Variants in ANKS1B observed in about 807,000 individuals in gnomAD.
The protein encoded by ANKS1B is ankyrin repeat and sterile alpha motif domain containing 1B.
Under a neutral mutation model 148.3 loss-of-function variants are expected in ANKS1B, and 36 were observed. The observed-to-expected ratio is 0.24, with a 90% CI of 0.19 to 0.32. The LOEUF (loss-of-function observed/expected upper bound fraction) is 0.32. Among genes scored for constraint, ANKS1B ranks in the 10% least tolerant of loss-of-function variants. The probability of loss-of-function intolerance (pLI) is 1.00; values close to 1 mark genes in which losing one functional copy is unlikely to be tolerated. For missense variants in ANKS1B, 1,157 were observed against 1,542.6 expected (o/e 0.75, Z 4.19); for synonymous variants, 542 against 560.8 (o/e 0.97, Z 0.47).
At chr12:99,006,436 G>T (rs2099936197) in intron 17 of ANKS1B, among the ~76,000 whole-genome samples, 1 of 152,188 alleles carries the variant, frequency 6.6e-6, no homozygotes, top group Non-Finnish European at 1.5e-5. Flanking sequence ...AGAATAATAT[G>T]CACAAGAGAC....
At chr12:98,945,621 G>A (rs946393912) in intron 17 of ANKS1B, among the ~76,000 whole-genome samples, 2 of 150,074 alleles carry the variant, frequency 1.3e-5, no homozygotes, top group Non-Finnish European at 2.9e-5. Flanking sequence ...TCCTGAGTCT[G>A]AAACATTTGT....
chr12:98,806,686 A>G (rs955270798), intron 20 of ANKS1B, among the ~76,000 whole-genome samples: 1 of 152,230 alleles, frequency 6.6e-6, no homozygotes, highest in East Asian at 1.9e-4. Context: ...TTCACACATA[A>G]TGAAAGCAGG....
At chr12:99,729,921 A>G (rs2058971725) in intron 8 of ANKS1B, among the ~76,000 whole-genome samples, 1 of 152,252 alleles carries the variant, frequency 6.6e-6, no homozygotes, top group African/African-American at 2.4e-5. Context: ...ACTAGATTTC[A>G]GTAAACTGAA....
At chr12:99,486,461 T>C (rs1010217199) in intron 10 of ANKS1B, among the ~76,000 whole-genome samples, 14 of 140,746 alleles carry the variant, frequency 9.9e-5, no homozygotes, top group African/African-American at 4.1e-4. Context: ...TGTGCTTATT[T>C]ATTTATTTAT....
intron 24 of ANKS1B, among the ~76,000 whole-genome samples, chr12:98,774,938 A>T (rs1186909536): frequency 6.6e-6 from 1 of 152,370 alleles, no homozygotes; most frequent in African/African-American, 2.4e-5. Flanking sequence ...TAAGTTTCAG[A>T]CTAGAAGGTG....
intron 17 of ANKS1B, among the ~76,000 whole-genome samples, chr12:98,841,400 T>G (rs891137674): frequency 6.6e-6 from 1 of 152,196 alleles, no homozygotes; most frequent in African/African-American, 2.4e-5. Flanking sequence ...CTGTTGCTGC[T>G]CTGCCCCTCT....
chr12:99,657,050 C>A (rs1279160262), intron 8 of ANKS1B, among the ~76,000 whole-genome samples: 1 of 148,948 alleles, frequency 6.7e-6, no homozygotes, highest in African/African-American at 2.4e-5. Flanking sequence ...GTCCCCCAAT[C>A]AGTTGCTGTC....
At chr12:99,809,260 C>CA (rs2068029370) in intron 3 of ANKS1B, among the ~76,000 whole-genome samples, 1 of 151,390 alleles carries the variant, frequency 6.6e-6, no homozygotes, top group Admixed American at 6.6e-5. Flanking sequence ...AGCCATTTAC[C>CA]AAAAACTCTT....
In ANKS1B at chr12:98,765,134, G is replaced by A. The variant is rs536215128; in HGVS notation, c.3579+7908C>T. Among the ~76,000 whole-genome samples, 224 of 152,254 alleles carry A rather than the reference G, an allele frequency of 1.5e-3. 2 individuals carry two copies. Among genetic ancestry groups the A allele is most frequent in the African/African-American group, 5.0e-3 (206 of 41,542 alleles). On this transcript the variant is annotated intron_variant, in intron 25 of 26. Transcript: ENST00000683438. ...TGCTTCTGCTATTCTCTGTGTCCTC[G>A]GCAGCTAAGAGTTATTGAATACCAT...
chr12:99,548,126 T>C (rs2097187348), intron 9 of ANKS1B, among the ~76,000 whole-genome samples: 2 of 152,194 alleles, frequency 1.3e-5, no homozygotes, highest in Admixed American at 1.3e-4. Context: ...AGGAAATTGG[T>C]CCACCTTTCC....
At chr12:99,068,881 T>A (rs1480002225) in intron 16 of ANKS1B, among the ~76,000 whole-genome samples, 2 of 152,186 alleles carry the variant, frequency 1.3e-5, no homozygotes, top group African/African-American at 4.8e-5. Context: ...TCTTTGAGAT[T>A]CAGTTCAAGC....
At chr12:98,900,843 G>A (rs1367579234) in intron 17 of ANKS1B, among the ~76,000 whole-genome samples, 1 of 152,192 alleles carries the variant, frequency 6.6e-6, no homozygotes, top group Non-Finnish European at 1.5e-5. Context: ...GGATAGGAAA[G>A]TAAATTAGAG....
At chr12:99,115,606 C>T (rs916978076) in intron 15 of ANKS1B, among the ~76,000 whole-genome samples, 2 of 138,542 alleles carry the variant, frequency 1.4e-5, no homozygotes, top group Admixed American at 7.9e-5. Context: ...TGCATATGTA[C>T]CCCACAACCT....
chr12:99,141,447 G>C (rs143226518), intron 15 of ANKS1B, among the ~76,000 whole-genome samples: 1 of 149,098 alleles, frequency 6.7e-6, no homozygotes, highest in Non-Finnish European at 1.5e-5. Flanking sequence ...AGTTCCTAGG[G>C]TATATGTATA....
At chr12:98,871,531 C>G (rs1381893470) in intron 17 of ANKS1B, among the ~76,000 whole-genome samples, 1 of 152,126 alleles carries the variant, frequency 6.6e-6, no homozygotes, top group East Asian at 1.9e-4. Flanking sequence ...GAACCAACAT[C>G]TTCTGATGAT....
chr12:99,010,410 C>G (rs1165759364), intron 17 of ANKS1B, among the ~76,000 whole-genome samples: 1 of 152,146 alleles, frequency 6.6e-6, no homozygotes, highest in Non-Finnish European at 1.5e-5. Context: ...TTCAATTTCA[C>G]AAAGGGACTT....
chr12:99,835,507 G>A (rs186111899), intron 1 of ANKS1B, among the ~76,000 whole-genome samples: 70 of 152,228 alleles, frequency 4.6e-4, no homozygotes, highest in Non-Finnish European at 1.5e-5. Context: ...TTAAAAAGAT[G>A]TGAAATTAGT....
rs572194442 is a variant in ANKS1B, at chr12:99,264,283, T to C, written c.1757-17419A>G. On this transcript the variant is annotated intron_variant, in intron 12 of 26. Transcript: ENST00000683438. ...GCTACACTTTTCGTTCTAAAATTCC[T>C]ATCATATGCATATTGGATCTCATGG... 3.9e-5 allele frequency among the ~76,000 whole-genome samples: 6 copies of C among 152,282 alleles called. No homozygotes were observed. The South Asian group carries it at 6.2e-4, about 16-fold the overall frequency.
At chr12:98,972,867 T>C (rs2099884589) in intron 17 of ANKS1B, among the ~76,000 whole-genome samples, 1 of 152,212 alleles carries the variant, frequency 6.6e-6, no homozygotes, top group Admixed American at 6.5e-5. Flanking sequence ...GTTTGGGTCA[T>C]TTTTAGCATC....
Sources: gnomAD v4.1 joint callset for allele counts (sites outside exome capture counted in the v4.1 genomes callset) on GRCh38, gnomAD v4.1.1 for gene constraint, MANE v1.5 for transcripts, NCBI Gene and HGNC (gene_info 2026-07-23, HGNC 2026-07-21) for gene names.